ADGRA3: variants seen among roughly 807,000 people sequenced by gnomAD.
ADGRA3 encodes the protein adhesion G protein-coupled receptor A3, also known as G-protein coupled receptor 125.
In ADGRA3, 56 loss-of-function variants were observed where a neutral mutation model predicts 119.8. The ratio of observed to expected loss-of-function variants is 0.47; its 90% CI spans 0.38 to 0.58. ADGRA3 has a LOEUF of 0.58. Ranked by LOEUF, ADGRA3 falls within the 20% of genes least tolerant of loss-of-function variation. The pLI is 0.00. For missense variants in ADGRA3, 1,516 were observed against 1,649.0 expected (o/e 0.92, Z 1.40); for synonymous variants, 607 against 623.8 (o/e 0.97, Z 0.40).
At chr4:22,472,855 T>A (rs189609345) in intron 2 of ADGRA3, among the ~76,000 whole-genome samples, 3 of 152,156 alleles carry the variant, frequency 2.0e-5, no homozygotes, top group Admixed American at 6.5e-5. Context: ...AGCTCCCTTA[T>A]GTATTGTGAA....
chr4:22,388,816 A>G lies in ADGRA3; in HGVS notation c.2855T>C (p.Leu952Pro). 1 of 1,614,110 alleles carries G rather than the reference A, an allele frequency of 6.2e-7. No individual in the cohort carries two copies. The highest frequency in any genetic ancestry group is 8.5e-7 in the Non-Finnish European group (1 of 1,180,008). ...CTGTTGCTCCTCCGTGGGCTCCTTA[A>G]GCTCATATTTGCGCTCAGGGTGTCT... ...LKRHPERKYE[L>P]KEPTEEQQRL... Residue 952 changes from leucine to proline, a missense_variant, in exon 19 of 19, where the codon CTT becomes CCT. Coordinates refer to ENST00000334304, the MANE Select transcript of ADGRA3 (RefSeq NM_145290.4).
chr4:22,447,735 C>T (rs895542229), intron 4 of ADGRA3, among the ~76,000 whole-genome samples: 1 of 152,078 alleles, frequency 6.6e-6, no homozygotes, highest in Non-Finnish European at 1.5e-5. Context: ...TTATTAAAAG[C>T]ATATTAAAGC....
intron 10 of ADGRA3, among the ~76,000 whole-genome samples, chr4:22,433,569 T>C (rs547012386): frequency 6.6e-6 from 1 of 152,142 alleles, no homozygotes; most frequent in Non-Finnish European, 1.5e-5. Context: ...CGACCACTCT[T>C]CCACAGGCTG....
chr4:22,395,285 T>A (rs1294612517), intron 16 of ADGRA3, among the ~76,000 whole-genome samples: 1 of 152,124 alleles, frequency 6.6e-6, no homozygotes, highest in Non-Finnish European at 1.5e-5. Context: ...CATACTAGAG[T>A]TCATTTAACA....
chr4:22,390,611 C>G (rs1714098422), intron 17 of ADGRA3, among the ~76,000 whole-genome samples: 1 of 151,798 alleles, frequency 6.6e-6, no homozygotes, highest in Non-Finnish European at 1.5e-5. Context: ...CTAAAAATGT[C>G]CTCTCTGGGG....
intron 3 of ADGRA3, 98 bp from the exon 4 acceptor site, chr4:22,455,035 A>C (rs1717191310): frequency 1.3e-6 from 1 of 799,380 alleles, no homozygotes; most frequent in Admixed American, 1.9e-5. Context: ...GTATCGCACA[A>C]GACCTTTATT....
At chr4:22,453,210 A>G (rs1717120008) in intron 4 of ADGRA3, among the ~76,000 whole-genome samples, 2 of 72,974 alleles carry the variant, frequency 2.7e-5, no homozygotes, top group Non-Finnish European at 7.7e-5. Context: ...CAAAAAAAAA[A>G]AAAAAAAGAA....
intron 3 of ADGRA3, among the ~76,000 whole-genome samples, chr4:22,456,403 G>A (rs932942262): frequency 1.3e-5 from 2 of 152,076 alleles, no homozygotes; most frequent in Non-Finnish European, 2.9e-5. Flanking sequence ...GGGCCCTGCT[G>A]GGACAAACAG....
chr4:22,428,473 C>T (rs896700377), intron 10 of ADGRA3, among the ~76,000 whole-genome samples: 5 of 152,078 alleles, frequency 3.3e-5, no homozygotes, highest in Non-Finnish European at 7.3e-5. Context: ...TTTCAATCAT[C>T]GAGTAGCAAA....
intron 12 of ADGRA3, among the ~76,000 whole-genome samples, chr4:22,418,776 G>A (rs1034706642): frequency 3.9e-5 from 6 of 152,074 alleles, no homozygotes; most frequent in African/African-American, 1.4e-4. Context: ...GCACAGAAGG[G>A]AAGGCTCCCA....
chr4:22,472,925 C>G (rs1717906660), intron 2 of ADGRA3: 1 of 152,064 alleles, frequency 6.6e-6, no homozygotes, highest in African/African-American at 2.4e-5. Context: ...GTACAGCGTT[C>G]AGAATACAAG....
At chr4:22,511,217 C>T (rs1719436377) in intron 1 of ADGRA3, among the ~76,000 whole-genome samples, 1 of 152,154 alleles carries the variant, frequency 6.6e-6, no homozygotes, top group Admixed American at 6.5e-5. Flanking sequence ...ATGAAATCCT[C>T]AGAACTTTCA....
chr4:22,515,533 G>A lies in ADGRA3; in HGVS notation c.252C>T (p.Val84=), dbSNP rs146686258. The A allele has an allele frequency of 2.0e-5, 32 of 1,606,250 alleles. No homozygotes were observed. The highest frequency in any genetic ancestry group is 2.7e-5 in the African/African-American group (2 of 74,240). Residue 84 remains valine (V), a synonymous_variant, in exon 1 of 19, where the codon GTC becomes GTT. Transcript: ENST00000334304. ...GCGTCGCGGGAGATACTCACAGGGTGACCGTGCGGTTGGGCAGAGTATCTG... is the reference window on the plus strand; with the variant it reads ...GCGTCGCGGGAGATACTCACAGGGTAACCGTGCGGTTGGGCAGAGTATCTG... ...LPPDTLPNRT[V]TLILSNNKIS...
At chr4:22,440,136 A>G (rs1716554373) in intron 7 of ADGRA3, among the ~76,000 whole-genome samples, 1 of 152,174 alleles carries the variant, frequency 6.6e-6, no homozygotes, top group Admixed American at 6.6e-5. Flanking sequence ...TTTGTACCAC[A>G]GTAACTGTCC....
At chr4:22,432,052 G>C (rs1019727556) in intron 10 of ADGRA3, among the ~76,000 whole-genome samples, 1 of 151,930 alleles carries the variant, frequency 6.6e-6, no homozygotes, top group Non-Finnish European at 1.5e-5. Flanking sequence ...GCCAAGCAGA[G>C]GTACAGCATA....
chr4:22,458,044 T>C (rs186069443), intron 3 of ADGRA3, among the ~76,000 whole-genome samples: 25 of 152,286 alleles, frequency 1.6e-4, no homozygotes, highest in South Asian at 8.3e-4. Flanking sequence ...ATTCCTCCCA[T>C]TGAGGGAAAA....
At chr4:22,413,929 T>C in intron 12 of ADGRA3, 115 bp from the exon 13 acceptor site, 3 of 648,448 alleles carry the variant, frequency 4.6e-6, no homozygotes, top group Non-Finnish European at 5.0e-6. Flanking sequence ...ATTTTTTAAA[T>C]TGGATATACA....
At chr4:22,412,485 CTTG>C (rs1715246689) in intron 14 of ADGRA3, among the ~76,000 whole-genome samples, 3 of 152,102 alleles carry the variant, frequency 2.0e-5, no homozygotes, top group African/African-American at 2.4e-5. Context: ...GAAAATGCTC[CTTG>C]GAGGATTTCA....
chr4:22,432,222 T>G (rs923876076), intron 10 of ADGRA3, among the ~76,000 whole-genome samples: 5 of 152,104 alleles, frequency 3.3e-5, no homozygotes, highest in African/African-American at 1.2e-4. Flanking sequence ...GCCTGAAACA[T>G]CACCTGAAAC....
Sources: allele counts gnomAD v4.1 joint callset (sites outside exome capture counted in the v4.1 genomes callset), GRCh38; gene constraint gnomAD v4.1.1; transcripts MANE v1.5; gene names NCBI Gene and HGNC (gene_info 2026-07-23, HGNC 2026-07-21).